ACYP2: variants seen among roughly 807,000 people sequenced by gnomAD.
ACYP2 encodes the protein acylphosphatase 2.
ACYP2 carries 12 observed loss-of-function variants against 11.2 expected under a neutral mutation model. The observed-to-expected ratio is 1.08, with a 90% CI of 0.69 to 1.74. The LOEUF (loss-of-function observed/expected upper bound fraction) is 1.74, where lower values mean the gene tolerates loss of function less well. Ranked by LOEUF, ACYP2 falls within the 40% of genes most tolerant of loss-of-function variation. The probability of loss-of-function intolerance (pLI) is 0.00; values close to 1 mark genes in which losing one functional copy is unlikely to be tolerated. For missense variants in ACYP2, 134 were observed against 101.9 expected (o/e 1.31, Z -1.35); for synonymous variants, 43 against 32.2 (o/e 1.33, Z -1.13).
chr2:54,152,541 G>C (rs1682228880), intron 6 of ACYP2, among the ~76,000 whole-genome samples: 1 of 152,102 alleles, frequency 6.6e-6, no homozygotes, highest in African/African-American at 2.4e-5. Flanking sequence ...CATGTGCTCT[G>C]CTTATTCATC....
chr2:54,107,540 G>A (rs551754294), intron 4 of ACYP2, among the ~76,000 whole-genome samples: 13 of 152,256 alleles, frequency 8.5e-5, no homozygotes, highest in African/African-American at 2.9e-4. Flanking sequence ...CATTGCACTG[G>A]TCAAGGTTTA....
At chr2:54,239,617 G>T (rs1389062194) in intron 6 of ACYP2, among the ~76,000 whole-genome samples, 11 of 152,162 alleles carry the variant, frequency 7.2e-5, no homozygotes. Context: ...ATATGTCCTT[G>T]TTAGAAACAC....
At chr2:54,010,737 C>CTTTTTTTTTTTTTTTT (rs539896151) in intron 2 of ACYP2, among the ~76,000 whole-genome samples, 175 of 107,610 alleles carry the variant, frequency 1.6e-3, no homozygotes, top group Non-Finnish European at 1.8e-3. Context: ...TTCTTTCTTT[C>CTTTTTTTTTTTTTTTT]TTTTTTTTTT....
In ACYP2 at chr2:54,015,422, C is replaced by T. The variant is rs144547255; in HGVS notation, c.63-35536C>T. On this transcript the variant is annotated intron_variant, in intron 2 of 6. Transcript: ENST00000607452. Reference sequence around the variant, plus strand: ...ACGTGGGAGGCTGAGGCAGGAGACTCGCTTGAACCTGGGAGACAGAGGTTG... The same window carrying T: ...ACGTGGGAGGCTGAGGCAGGAGACTTGCTTGAACCTGGGAGACAGAGGTTG... Among the ~76,000 whole-genome samples the T allele has an allele frequency of 3.5e-3, 536 of 151,944 alleles. 4 individuals carry two copies. Among genetic ancestry groups the T allele is most frequent in the African/African-American group, 0.012 (502 of 41,440 alleles).
chr2:54,177,047 T>C (rs141725471), intron 6 of ACYP2, among the ~76,000 whole-genome samples: 420 of 152,284 alleles, frequency 2.8e-3, no homozygotes, highest in African/African-American at 9.6e-3. Context: ...CTATGACATA[T>C]ACAGATTTAG....
intron 1 of ACYP2, among the ~76,000 whole-genome samples, chr2:53,972,041 G>A (rs1169394627): frequency 1.3e-5 from 2 of 152,250 alleles, no homozygotes; most frequent in Non-Finnish European, 2.9e-5. Context: ...CGGGCGCAGT[G>A]GCTCACGCCT....
At chr2:54,097,458 C>A (rs796264859) in intron 4 of ACYP2, among the ~76,000 whole-genome samples, 2 of 152,228 alleles carry the variant, frequency 1.3e-5, no homozygotes, top group Non-Finnish European at 2.9e-5. Flanking sequence ...CAAATCCTAT[C>A]CCATTCCTCA....
chr2:54,304,906 G>T lies in ACYP2; in HGVS notation c.*104G>T. Reference sequence around the variant, plus strand: ...AGAGTAGGGTGAAAAGGAACTTTCTGTTCTGAAAGCTAAGCGACTGTACGT... The same window carrying T: ...AGAGTAGGGTGAAAAGGAACTTTCTTTTCTGAAAGCTAAGCGACTGTACGT... On this transcript the variant is annotated 3_prime_UTR_variant, in exon 7 of 7. Coordinates refer to ENST00000607452, the MANE Select transcript of ACYP2 (RefSeq NM_001320586.2). 47 of 484,332 alleles carry T rather than the reference G, an allele frequency of 9.7e-5. No homozygotes were observed. Among genetic ancestry groups the T allele is most frequent in the East Asian group, 2.5e-4 (7 of 28,484 alleles). 30.0% of individuals were successfully genotyped at this position (484,332 alleles called of 1,614,324 possible).
intron 6 of ACYP2, among the ~76,000 whole-genome samples, chr2:54,302,257 C>T (rs1689753906): frequency 6.6e-6 from 1 of 152,204 alleles, no homozygotes; most frequent in African/African-American, 2.4e-5. Flanking sequence ...ACCACAACTG[C>T]TCCTGCTCCT....
chr2:54,061,610 G>T (rs1248076768), intron 4 of ACYP2, among the ~76,000 whole-genome samples: 2 of 152,198 alleles, frequency 1.3e-5, no homozygotes, highest in South Asian at 2.1e-4. Context: ...TTTAATGGGA[G>T]CCTATTGGTT....
chr2:53,979,762 C>T (rs1233826365), intron 2 of ACYP2, among the ~76,000 whole-genome samples: 4 of 151,810 alleles, frequency 2.6e-5, no homozygotes, highest in East Asian at 3.9e-4. Flanking sequence ...AGTGCAGTGG[C>T]GTGATCTTGG....
chr2:54,141,289 T>A (rs76426729), intron 6 of ACYP2, among the ~76,000 whole-genome samples: 3,012 of 152,312 alleles, frequency 0.02, 96 homozygotes, highest in African/African-American at 0.067. Context: ...CATAAATTGT[T>A]TTTCATTTTT....
intron 6 of ACYP2, among the ~76,000 whole-genome samples, chr2:54,248,772 A>C (rs1352591717): frequency 6.6e-6 from 1 of 152,186 alleles, no homozygotes; most frequent in East Asian, 1.9e-4. Flanking sequence ...ACAAATATAA[A>C]CTACGAACAT....
chr2:54,244,991 G>T (rs142576917), intron 6 of ACYP2, among the ~76,000 whole-genome samples: 47 of 152,228 alleles, frequency 3.1e-4, no homozygotes, highest in African/African-American at 1.0e-3. Flanking sequence ...TTCCTGTACA[G>T]CTGTAATTTT....
intron 6 of ACYP2, among the ~76,000 whole-genome samples, chr2:54,148,979 C>T (rs995145707): frequency 3.9e-5 from 6 of 152,072 alleles, no homozygotes; most frequent in South Asian, 2.1e-4. Flanking sequence ...AGTCCAGGAA[C>T]GGTGGCTCAC....
chr2:54,164,925 T>C (rs1682885625), intron 6 of ACYP2, among the ~76,000 whole-genome samples: 1 of 152,212 alleles, frequency 6.6e-6, no homozygotes, highest in South Asian at 2.1e-4. Flanking sequence ...GTGTTCTCAT[T>C]GTTCAGCTCC....
At chr2:54,129,996 T>C (rs1680805787) in intron 4 of ACYP2, among the ~76,000 whole-genome samples, 1 of 151,612 alleles carries the variant, frequency 6.6e-6, no homozygotes, top group South Asian at 2.1e-4. Context: ...ATCAGCTGGT[T>C]TTTAAAAATT....
chr2:54,128,639 C>T (rs1572820640), intron 4 of ACYP2, among the ~76,000 whole-genome samples: 1 of 152,112 alleles, frequency 6.6e-6, no homozygotes, highest in Admixed American at 6.6e-5. Context: ...TGCACTCCAG[C>T]CTGGGCAACA....
chr2:53,998,868 C>T (rs886495785), intron 2 of ACYP2, among the ~76,000 whole-genome samples: 3 of 152,140 alleles, frequency 2.0e-5, no homozygotes, highest in African/African-American at 7.2e-5. Context: ...TGCTGCCCTC[C>T]ATGCTGAGAT....
Sources: allele counts gnomAD v4.1 joint callset (sites outside exome capture counted in the v4.1 genomes callset), GRCh38; gene constraint gnomAD v4.1.1; transcripts MANE v1.5; gene names NCBI Gene and HGNC (gene_info 2026-07-23, HGNC 2026-07-21).